Variants in OR2C1 observed in about 807,000 individuals in gnomAD.
OR2C1 encodes olfactory receptor 2C1.
For synonymous variants in OR2C1, 209 were observed against 167.3 expected (o/e 1.25, Z -1.92); for missense variants, 468 against 388.3 (o/e 1.21, Z -1.73).
chr16:3,350,087 T>C, the OR2C1 span, among the ~76,000 whole-genome samples: 1 of 118,900 alleles, frequency 8.4e-6, no homozygotes, highest in Non-Finnish European at 1.7e-5. Flanking sequence ...AGGTGGAGTC[T>C]CTCTGTCGCC....
chr16:3,325,460 A>AAAT, the OR2C1 span, among the ~76,000 whole-genome samples: 1 of 93,176 alleles, frequency 1.1e-5, no homozygotes, highest in East Asian at 2.4e-4. Context: ...TATGTCTAAA[A>AAAT]ATATATATAT....
upstream of OR2C1, among the ~76,000 whole-genome samples, chr16:3,353,813 A>AGAAGGAAG (rs113702538): frequency 1.3e-5 from 2 of 151,706 alleles, no homozygotes; most frequent in Non-Finnish European, 2.9e-5. Context: ...AAAAAGAGAA[A>AGAAGGAAG]GAAGGAAGGA....
the OR2C1 span, among the ~76,000 whole-genome samples, chr16:3,324,808 T>C: frequency 6.6e-6 from 1 of 152,132 alleles, no homozygotes; most frequent in African/African-American, 2.4e-5. Flanking sequence ...TACTTACATA[T>C]ACATATATAT....
At chr16:3,355,416 C>T (rs938451825), upstream of OR2C1, among the ~76,000 whole-genome samples, 15 of 140,128 alleles carry the variant, frequency 1.1e-4, no homozygotes, top group Non-Finnish European at 1.8e-4. Context: ...CGAGATTGCA[C>T]CACTGCACTC....
the OR2C1 span, among the ~76,000 whole-genome samples, chr16:3,331,600 C>A: frequency 2.0e-5 from 3 of 151,364 alleles, no homozygotes; most frequent in Non-Finnish European, 4.4e-5. Flanking sequence ...TCAGCTTTCT[C>A]CATATGGCTA....
chr16:3,356,471 C>T lies in OR2C1; in HGVS notation c.531C>T (p.Phe177=). The T allele has an allele frequency of 6.2e-7, 1 of 1,614,066 alleles. No homozygotes were observed. Among genetic ancestry groups the T allele is most frequent in the South Asian group, 1.1e-5 (1 of 91,084 alleles). The change falls in exon 1 of 1, where the codon TTC becomes TTT. Residue 177 remains phenylalanine (F), a synonymous_variant. Coordinates refer to ENST00000304936, the MANE Select transcript of OR2C1 (RefSeq NM_012368.3). Reference sequence around the variant, plus strand: ...GTGGGCACCGGAGGGTGGAGGGATTCCTCTGCGAGGTGCCTGCCATGATCA... The same window carrying T: ...GTGGGCACCGGAGGGTGGAGGGATTTCTCTGCGAGGTGCCTGCCATGATCA... ...PLCGHRRVEG[F]LCEVPAMIKL...
the OR2C1 span, among the ~76,000 whole-genome samples, chr16:3,331,991 C>T: frequency 6.7e-6 from 1 of 150,250 alleles, no homozygotes; most frequent in African/African-American, 2.4e-5. Context: ...AAACCAAACA[C>T]TGCATATTTT....
chr16:3,344,889 C>T, the OR2C1 span, among the ~76,000 whole-genome samples: 1 of 151,962 alleles, frequency 6.6e-6, no homozygotes, highest in East Asian at 1.9e-4. Flanking sequence ...TGTCAATTAT[C>T]CGTTATGGAC....
chr16:3,357,585 G>A (rs950290345), downstream of OR2C1, among the ~76,000 whole-genome samples: 1 of 152,042 alleles, frequency 6.6e-6, no homozygotes, highest in African/African-American at 2.4e-5. Context: ...AACAGCCCAG[G>A]CTGGTCTAGA....
the OR2C1 span, chr16:3,323,491 C>T: frequency 2.7e-6 from 2 of 736,988 alleles, no homozygotes; most frequent in South Asian, 2.8e-5. Context: ...GGACAGACTT[C>T]AGATTTGGAA....
At chr16:3,336,913 G>T in the OR2C1 span, among the ~76,000 whole-genome samples, 1 of 151,596 alleles carries the variant, frequency 6.6e-6, no homozygotes, top group East Asian at 2.0e-4. Context: ...TCTATATGTT[G>T]GTCAGGCTGG....
At chr16:3,333,299 A>G in the OR2C1 span, among the ~76,000 whole-genome samples, 4 of 130,274 alleles carry the variant, frequency 3.1e-5, no homozygotes, top group South Asian at 7.8e-4. Context: ...GTTTCTTGTC[A>G]GAGGGAGAGT....
At chr16:3,323,935 G>A in the OR2C1 span, 2 of 804,434 alleles carry the variant, frequency 2.5e-6, no homozygotes. Context: ...TCTTTCTAGT[G>A]TTGTAGCTGC....
the OR2C1 span, among the ~76,000 whole-genome samples, chr16:3,331,793 A>T: frequency 6.7e-6 from 1 of 150,004 alleles, no homozygotes; most frequent in African/African-American, 2.4e-5. Flanking sequence ...TTATTGCGGC[A>T]TTATTCACAA....
At chr16:3,336,998 GCGCC>G in the OR2C1 span, among the ~76,000 whole-genome samples, 3 of 151,312 alleles carry the variant, frequency 2.0e-5, no homozygotes, top group Non-Finnish European at 4.4e-5. Context: ...ATGAGCCACT[GCGCC>G]TGGCCCATGC....
the OR2C1 span, among the ~76,000 whole-genome samples, chr16:3,350,265 G>C: frequency 6.6e-6 from 1 of 151,060 alleles, no homozygotes; most frequent in East Asian, 2.0e-4. Context: ...ATGTTGGCCA[G>C]TCTGGTCTCG....
chr16:3,324,564 A>G, the OR2C1 span, among the ~76,000 whole-genome samples: 1 of 152,184 alleles, frequency 6.6e-6, no homozygotes, highest in Non-Finnish European at 1.5e-5. Context: ...AACCATGAGA[A>G]AAATATCTAA....
the OR2C1 span, among the ~76,000 whole-genome samples, chr16:3,325,991 T>C: frequency 1.6e-4 from 24 of 148,352 alleles, no homozygotes; most frequent in East Asian, 4.8e-3. Context: ...AGTGCAGTGG[T>C]GCGATCTCGG....
chr16:3,347,851 C>G, the OR2C1 span, among the ~76,000 whole-genome samples: 2 of 9,154 alleles, frequency 2.2e-4, no homozygotes, highest in Non-Finnish European at 4.7e-4. Flanking sequence ...CACATGCACA[C>G]GCACACACGC....
Sources: allele counts gnomAD v4.1 joint callset (sites outside exome capture counted in the v4.1 genomes callset), GRCh38; gene constraint gnomAD v4.1.1; transcripts MANE v1.5; gene names NCBI Gene and HGNC (gene_info 2026-07-23, HGNC 2026-07-21).